ZC3H6: variants seen among roughly 807,000 people sequenced by gnomAD.
ZC3H6 encodes the protein zinc finger CCCH-type containing 6.
A neutral mutation model predicts 107.7 loss-of-function variants in ZC3H6; 40 were observed. The ratio of observed to expected loss-of-function variants is 0.37; its 90% CI spans 0.29 to 0.48. The LOEUF (loss-of-function observed/expected upper bound fraction) is 0.48. Among genes scored for constraint, ZC3H6 ranks in the 20% least tolerant of loss-of-function variants. The pLI, the probability that ZC3H6 is intolerant of heterozygous loss-of-function variation, is 0.98. For synonymous variants in ZC3H6, 493 were observed against 487.9 expected, an observed-to-expected ratio of 1.01 and a Z score of -0.14; for missense variants, 1,267 against 1,410.4, an observed-to-expected ratio of 0.90 and a Z score of 1.63.
At chr2:112,296,009 T>A (rs537164747) in intron 1 of ZC3H6, among the ~76,000 whole-genome samples, 1 of 152,152 alleles carries the variant, frequency 6.6e-6, no homozygotes, top group African/African-American at 2.4e-5. Flanking sequence ...TAAACACTTA[T>A]AGATTTTTTT....
chr2:112,324,943 C>T (rs756129844), intron 10 of ZC3H6, 21 bp from the exon 11 acceptor site: 3 of 1,572,390 alleles, frequency 1.9e-6, no homozygotes, highest in African/African-American at 2.7e-5. Context: ...ATGACTGTCT[C>T]TCCCCATGTT....
chr2:112,300,159 A>G (rs1676341351), intron 2 of ZC3H6, 130 bp downstream of exon 2: 1 of 595,618 alleles, frequency 1.7e-6, no homozygotes, highest in Non-Finnish European at 2.6e-6. Context: ...ATGTGATTAA[A>G]CTTTCTAAAC....
chr2:112,290,059 TAA>T (rs1676075784), intron 1 of ZC3H6, among the ~76,000 whole-genome samples: 1 of 152,072 alleles, frequency 6.6e-6, no homozygotes, highest in South Asian at 2.1e-4. Flanking sequence ...ACCTGTACAA[TAA>T]AAAGTTTGGA....
Position 112,331,554 on chromosome 2 carries a change from G to C in ZC3H6, c.2636G>C (p.Trp879Ser). ...TKPNFAKHIV[W>S]APEDLLPVPL... ...CCCAACTTTGCAAAACACATCGTGT[G>C]GGCTCCCGAAGACTTACTTCCAGTA... The change falls in exon 12 of 12, where the codon TGG (tryptophan) becomes TCG (serine). Residue 879 changes from tryptophan (W) to serine (S), a missense_variant. Trp to Ser is a radical substitution (Grantham distance 177). Transcript: ENST00000409871. The C allele has an allele frequency of 6.2e-7, 1 of 1,613,882 alleles. No individual in the cohort carries two copies. Among genetic ancestry groups the C allele is most frequent in the Non-Finnish European group, 8.5e-7 (1 of 1,179,864 alleles).
intron 1 of ZC3H6, among the ~76,000 whole-genome samples, chr2:112,290,631 C>T (rs150293392): frequency 6.7e-5 from 10 of 148,864 alleles, no homozygotes; most frequent in East Asian, 1.9e-4. Context: ...TGAATAAATA[C>T]GTGTTAAATG....
At chr2:112,320,291 A>T (rs981652827) in intron 7 of ZC3H6, among the ~76,000 whole-genome samples, 1 of 152,244 alleles carries the variant, frequency 6.6e-6, no homozygotes, top group African/African-American at 2.4e-5. Context: ...TTGTATTTTT[A>T]AATTTAACAT....
intron 1 of ZC3H6, among the ~76,000 whole-genome samples, chr2:112,296,031 T>C (rs1458730208): frequency 6.6e-6 from 1 of 152,146 alleles, no homozygotes; most frequent in East Asian, 1.9e-4. Flanking sequence ...GTCATTTGTG[T>C]TTTAAATTTT....
chr2:112,291,740 A>G (rs1380338339), intron 1 of ZC3H6, among the ~76,000 whole-genome samples: 2 of 151,860 alleles, frequency 1.3e-5, no homozygotes, highest in African/African-American at 4.8e-5. Context: ...TTTTTTTGAG[A>G]CAGAGTCTCA....
At chr2:112,317,378 A>G (rs1403499649) in intron 7 of ZC3H6, 46 bp downstream of exon 7, 4 of 1,111,122 alleles carry the variant, frequency 3.6e-6, no homozygotes, top group Admixed American at 3.0e-5. Context: ...CTGGGGTTTT[A>G]AAGCATCATT....
chr2:112,280,857 G>A (rs543166112), intron 1 of ZC3H6, among the ~76,000 whole-genome samples: 2 of 152,330 alleles, frequency 1.3e-5, no homozygotes, highest in African/African-American at 4.8e-5. Context: ...GACCCTGAAG[G>A]ATGTGGGGAT....
intron 2 of ZC3H6, among the ~76,000 whole-genome samples, chr2:112,301,722 G>A (rs944991721): frequency 6.6e-6 from 1 of 151,582 alleles, no homozygotes; most frequent in African/African-American, 2.4e-5. Context: ...AAACAGCATA[G>A]AATAATAACA....
intron 5 of ZC3H6, among the ~76,000 whole-genome samples, chr2:112,312,368 G>A (rs1021193606): frequency 6.6e-5 from 10 of 152,100 alleles, no homozygotes; most frequent in Non-Finnish European, 2.9e-5. Flanking sequence ...AAGAAAGGGG[G>A]ATATAAATGG....
rs770005369 is a variant in ZC3H6, at chr2:112,299,998, A to G, written c.182A>G (p.Lys61Arg). 6.8e-7 allele frequency: 1 copy of G among 1,481,120 alleles called. No individual in the cohort carries two copies. Among genetic ancestry groups the G allele is most frequent in the South Asian group, 1.4e-5 (1 of 70,568 alleles). The allele number at this position is 1,481,120 out of a possible 1,614,324, so 91.7% of individuals were successfully genotyped here. ...CATAAGAAAGAGAGAGAGAAGAAAA[A>G]ATCCAAAAGGAGAAAACGTGAGAAA... ...KKHKKEREKK[K>R]SKRRKREKHK... Residue 61 changes from lysine (K) to arginine (R), a missense_variant, in exon 2 of 12, where the codon AAA becomes AGA. Around this residue, in one of 3 missense-constraint regions of ZC3H6, gnomAD observed 337 missense variants for 361.2 expected, o/e 0.93. Transcript: ENST00000409871.
rs976950491 is a variant in ZC3H6, at chr2:112,333,321, G to A, written c.*833G>A. 17 of 152,530 alleles carry A rather than the reference G, an allele frequency of 1.1e-4. No homozygotes were observed. Among genetic ancestry groups the A allele is most frequent in the African/African-American group, 4.1e-4 (17 of 41,428 alleles). 9.4% of individuals were successfully genotyped at this position (152,530 alleles called of 1,614,324 possible). The stretch of plus-strand genomic sequence containing the variant: ...TAGCTGCATTAATTGTGTTCATCAT[G>A]ACTTTGGCGATTTTTAACAAAATTT... On this transcript the variant is annotated 3_prime_UTR_variant, in exon 12 of 12. Transcript: ENST00000409871.
chr2:112,318,143 G>GA lies in ZC3H6; in HGVS notation c.976+819dup, dbSNP rs540010557. Among the ~76,000 whole-genome samples, 9 of 151,380 alleles carry GA rather than the reference G, an allele frequency of 5.9e-5. No individual in the cohort carries two copies. The East Asian group carries it at 9.7e-4, about 16-fold the overall frequency. The stretch of plus-strand genomic sequence containing the variant: ...TTCTGTTGTCGTGTTTAAAAAATGT[G>GA]AAAAAAAAGAAAGTGAATAAAATGA... On this transcript the variant is annotated intron_variant, in intron 7 of 11. Coordinates refer to ENST00000409871, the MANE Select transcript of ZC3H6 (RefSeq NM_198581.3).
intron 1 of ZC3H6, among the ~76,000 whole-genome samples, chr2:112,289,126 G>A (rs1158498748): frequency 6.0e-5 from 9 of 149,392 alleles, no homozygotes; most frequent in African/African-American, 1.5e-4. Context: ...GCACAATATC[G>A]GCTCACTGCA....
At chr2:112,309,828 T>C (rs1022061773) in intron 3 of ZC3H6, 57 bp from the exon 4 acceptor site, 1 of 1,496,142 alleles carries the variant, frequency 6.7e-7, no homozygotes, top group African/African-American at 1.4e-5. Context: ...CCTGTGCTAC[T>C]GTCAATTGCT....
At chr2:112,291,194 T>G (rs1676106981) in intron 1 of ZC3H6, among the ~76,000 whole-genome samples, 1 of 152,252 alleles carries the variant, frequency 6.6e-6, no homozygotes, top group Non-Finnish European at 1.5e-5. Context: ...ATTTTAACTG[T>G]GATTATGTGA....
intron 1 of ZC3H6, among the ~76,000 whole-genome samples, chr2:112,278,466 C>T (rs1187336269): frequency 1.3e-5 from 2 of 152,058 alleles, no homozygotes; most frequent in African/African-American, 4.8e-5. Flanking sequence ...TACAGGCACC[C>T]GCCACCACAC....
Sources: allele counts gnomAD v4.1 joint callset (sites outside exome capture counted in the v4.1 genomes callset), GRCh38; gene constraint gnomAD v4.1.1; regional missense constraint gnomAD v4.1.1; transcripts MANE v1.5; gene names NCBI Gene and HGNC (gene_info 2026-07-23, HGNC 2026-07-21).